Variants in HNRNPA1L3 observed in about 807,000 individuals in gnomAD.
HNRNPA1L3 encodes heterogeneous nuclear ribonucleoprotein A1 like 3, also known as heterogeneous nuclear ribonucleoprotein A1-like 3.
the HNRNPA1L3 span, chr16:51,646,519 T>C: frequency 6.3e-7 from 1 of 1,597,432 alleles, no homozygotes; most frequent in Non-Finnish European, 8.5e-7. Flanking sequence ...GCCGTGGTGG[T>C]GGTGGATATG....
the HNRNPA1L3 span, chr16:51,646,867 C>T: frequency 9.7e-7 from 1 of 1,026,934 alleles, no homozygotes; most frequent in African/African-American, 1.6e-5. Context: ...CTCAGCCAAG[C>T]ACAGTGGTGG....
chr16:51,646,688 G>A, the HNRNPA1L3 span: 48 of 1,598,468 alleles, frequency 3.0e-5, no homozygotes, highest in South Asian at 7.7e-5. Context: ...CCCCCATGGC[G>A]GTGGAGGCCA....
Sources: gnomAD v4.1 joint callset for allele counts on GRCh38, gnomAD v4.1.1 for gene constraint, MANE v1.5 for transcripts, NCBI Gene and HGNC (gene_info 2026-07-23, HGNC 2026-07-21) for gene names.